Variants in WASHC4 observed in about 807,000 individuals in gnomAD.
WASHC4 encodes the protein WASH complex subunit 4.
Under a neutral mutation model 166.6 loss-of-function variants are expected in WASHC4, and 86 were observed. The ratio of observed to expected loss-of-function variants is 0.52; its 90% confidence interval spans 0.43 to 0.62. The LOEUF is 0.62. WASHC4 is among the 20% of genes least tolerant of loss of function. The pLI is 0.00. For missense variants in WASHC4, 1,262 were observed against 1,382.4 expected (o/e 0.91, Z 1.38); for synonymous variants, 446 against 451.6 (o/e 0.99, Z 0.16).
At chr12:105,114,553 A>G (rs945879015) in intron 4 of WASHC4, 126 bp downstream of exon 4, 7 of 697,014 alleles carry the variant, frequency 1.0e-5, no homozygotes, top group African/African-American at 1.8e-5. Flanking sequence ...TTAACGTAAT[A>G]CTAATACGGA....
At chr12:105,120,453 A>C (rs1483400952) in intron 7 of WASHC4, 102 bp from the exon 8 acceptor site, 2 of 720,940 alleles carry the variant, frequency 2.8e-6, no homozygotes, top group Non-Finnish European at 5.0e-6. Context: ...ATAAAGATAA[A>C]TATTAAAATT....
At position 105,144,740 on chromosome 12, in the gene WASHC4, C is replaced by T. The variant is rs1487428500; in HGVS notation, c.2202C>T (p.Asp734=). Residue 734 remains aspartate (D), a synonymous_variant, in exon 22 of 33, where the codon GAC becomes GAT. Transcript: ENST00000332180. ...TAGCTTACGTAACTCACTACCTAGA[C>T]AAGACTTTCTACAATCTAACAACTG... The part of the protein sequence containing the change: ...DIRAYVTHYL[D]KTFYNLTTVA... 1 of 1,611,414 alleles carries T rather than the reference C, an allele frequency of 6.2e-7. No individual in the cohort carries two copies. The highest frequency in any genetic ancestry group is 8.5e-7 in the Non-Finnish European group (1 of 1,178,626).
chr12:105,135,177 C>T lies in WASHC4; in HGVS notation c.1326+1281C>T, dbSNP rs183313501. ...TAAACCTCACAAGGCATTATTATCG[C>T]TATTGTTGTTTTTATAGTCAGCGTT... On this transcript the variant is annotated intron_variant, in intron 14 of 32. Transcript: ENST00000332180. Among the ~76,000 whole-genome samples the T allele has an allele frequency of 2.6e-5, 4 of 152,048 alleles. No homozygotes were observed. In the East Asian group the frequency reaches 5.8e-4, roughly 22 times the overall value.
chr12:105,116,137 C>G (rs955661469), intron 6 of WASHC4, among the ~76,000 whole-genome samples: 5 of 152,206 alleles, frequency 3.3e-5, no homozygotes, highest in African/African-American at 1.2e-4. Context: ...GTTTAGATAG[C>G]TTCTCATCAC....
At chr12:105,131,776 GCAC>G (rs1331463390) in intron 13 of WASHC4, among the ~76,000 whole-genome samples, 1 of 152,166 alleles carries the variant, frequency 6.6e-6, no homozygotes, top group Admixed American at 6.5e-5. Context: ...GTATGTTTCA[GCAC>G]CACTCTAAGC....
chr12:105,139,040 A>T (rs1459978590), intron 15 of WASHC4, among the ~76,000 whole-genome samples: 1 of 152,154 alleles, frequency 6.6e-6, no homozygotes, highest in Non-Finnish European at 1.5e-5. Context: ...CTTGCCAAAT[A>T]TGGATGAATC....
chr12:105,119,780 A>G (rs1345656110), intron 7 of WASHC4, among the ~76,000 whole-genome samples: 1 of 152,262 alleles, frequency 6.6e-6, no homozygotes, highest in Non-Finnish European at 1.5e-5. Context: ...GTGCTTTAAT[A>G]TTATAAGCAC....
intron 24 of WASHC4, 169 bp downstream of exon 24, chr12:105,147,315 T>G: frequency 3.2e-6 from 2 of 618,114 alleles, no homozygotes; most frequent in Non-Finnish European, 5.8e-6. Context: ...AAAATTGTGT[T>G]GGATGTGATG....
chr12:105,154,605 C>T (rs1354748695), intron 26 of WASHC4, among the ~76,000 whole-genome samples: 1 of 152,126 alleles, frequency 6.6e-6, no homozygotes, highest in Non-Finnish European at 1.5e-5. Context: ...TTCAGTACAA[C>T]AAATGTTTCT....
chr12:105,140,628 T>C (rs970786235), intron 16 of WASHC4, among the ~76,000 whole-genome samples: 43 of 152,338 alleles, frequency 2.8e-4, no homozygotes, highest in African/African-American at 9.9e-4. Flanking sequence ...TAAAAAGACA[T>C]TGCACTTTTG....
At chr12:105,143,358 G>A (rs751731849) in intron 20 of WASHC4, 115 bp downstream of exon 20, 281 of 661,764 alleles carry the variant, frequency 4.2e-4, no homozygotes, top group Admixed American at 2.2e-3. Flanking sequence ...AAATTGCTGG[G>A]TAGAACAAAG....
In WASHC4 at chr12:105,114,511, A is replaced by C. The variant is rs948286547; in HGVS notation, c.321+84A>C. 2.8e-5 allele frequency: 25 copies of C among 878,096 alleles called. No homozygotes were observed. In the African/African-American group the frequency reaches 4.1e-4, roughly 14 times the overall value. 54.4% of individuals were successfully genotyped at this position (878,096 alleles called of 1,614,324 possible). ...GTTTATATATGTACAGTGTGCAATAAATATTTATTGAATGTTGAATGAATT... is the reference window on the plus strand; with the variant it reads ...GTTTATATATGTACAGTGTGCAATACATATTTATTGAATGTTGAATGAATT... On this transcript the variant is annotated intron_variant, in intron 4 of 32. Transcript: ENST00000332180.
At chr12:105,136,239 C>T (rs1156553533) in intron 14 of WASHC4, among the ~76,000 whole-genome samples, 1 of 152,078 alleles carries the variant, frequency 6.6e-6, no homozygotes, top group African/African-American at 2.4e-5. Context: ...ATTTCCCTTC[C>T]CTGTGAGATG....
At chr12:105,122,351 G>T in intron 10 of WASHC4, 113 bp downstream of exon 10, 1 of 1,153,006 alleles carries the variant, frequency 8.7e-7, no homozygotes. Context: ...TCTTTAAAAA[G>T]TGCTTTGGCT....
Position 105,115,801 on chromosome 12 carries a change from T to C in WASHC4, c.435+73T>C. ...GTAAATTACACAACACGTAAAAAGTTCTGAAACCTTCAAATACTAAAGATG... is the reference window on the plus strand; with the variant it reads ...GTAAATTACACAACACGTAAAAAGTCCTGAAACCTTCAAATACTAAAGATG... On this transcript the variant is annotated intron_variant, in intron 6 of 32. Coordinates refer to ENST00000332180, the MANE Select transcript of WASHC4 (RefSeq NM_015275.3). 3 of 917,572 alleles carry C rather than the reference T, an allele frequency of 3.3e-6. No individual in the cohort carries two copies. In the South Asian group the frequency reaches 3.9e-5, roughly 12 times the overall value. 56.8% of individuals were successfully genotyped at this position (917,572 alleles called of 1,614,324 possible).
At chr12:105,116,184 C>T (rs1880162656) in intron 6 of WASHC4, among the ~76,000 whole-genome samples, 1 of 152,064 alleles carries the variant, frequency 6.6e-6, no homozygotes, top group Non-Finnish European at 1.5e-5. Context: ...TTGGTTTACT[C>T]TTATCAAAAG....
intron 2 of WASHC4, 72 bp from the exon 3 acceptor site, chr12:105,114,144 C>A: frequency 1.5e-6 from 2 of 1,370,780 alleles, no homozygotes; most frequent in African/African-American, 1.4e-5. Context: ...TAAAGCTAGC[C>A]TCAATTTGTG....
intron 13 of WASHC4, among the ~76,000 whole-genome samples, chr12:105,131,804 T>C (rs1196817): frequency 0.88 from 133,766 of 152,280 alleles, 59,040 homozygotes; most frequent in East Asian, 1. Context: ...CCACAAAGTA[T>C]GACTATTTGT....
intron 26 of WASHC4, 54 bp from the exon 27 acceptor site, chr12:105,156,672 T>G: frequency 7.1e-7 from 1 of 1,402,640 alleles, no homozygotes; most frequent in Non-Finnish European, 1.0e-6. Flanking sequence ...TATATTCCTA[T>G]TAGAATTTAG....
Sources: allele counts gnomAD v4.1 joint callset (sites outside exome capture counted in the v4.1 genomes callset), GRCh38; gene constraint gnomAD v4.1.1; transcripts MANE v1.5; gene names NCBI Gene and HGNC (gene_info 2026-07-23, HGNC 2026-07-21).